Variants in TENM2 observed in about 807,000 individuals in gnomAD.
TENM2 encodes the protein teneurin transmembrane protein 2.
In TENM2, 52 loss-of-function variants were observed where a neutral mutation model predicts 245.2. That is an observed-to-expected ratio of 0.21 (90% confidence interval 0.17 to 0.27). The LOEUF (loss-of-function observed/expected upper bound fraction) is 0.27, where lower values mean the gene tolerates loss of function less well. Among genes scored for constraint, TENM2 ranks in the 10% least tolerant of loss-of-function variants. The probability of loss-of-function intolerance (pLI) is 1.00; values close to 1 mark genes in which losing one functional copy is unlikely to be tolerated. For synonymous variants in TENM2, 1,363 were observed against 1,438.9 expected (o/e 0.95, Z 1.19); for missense variants, 3,046 against 3,666.8 (o/e 0.83, Z 4.37).
At chr5:166,990,852 T>C in the TENM2 span, among the ~76,000 whole-genome samples, 1 of 152,210 alleles carries the variant, frequency 6.6e-6, no homozygotes, top group African/African-American at 2.4e-5. Context: ...AGATCTACGC[T>C]ATTAGACTGT....
the TENM2 span, among the ~76,000 whole-genome samples, chr5:167,148,391 G>A: frequency 1.3e-5 from 2 of 152,128 alleles, no homozygotes; most frequent in East Asian, 3.9e-4. Flanking sequence ...ACTTGAGGTT[G>A]ACATTACATT....
At chr5:167,373,495 G>A (rs1423359824) in intron 1 of TENM2, among the ~76,000 whole-genome samples, 1 of 152,120 alleles carries the variant, frequency 6.6e-6, no homozygotes, top group South Asian at 2.1e-4. Context: ...TTTCTTCACT[G>A]CATTTTTTTC....
intron 8 of TENM2, among the ~76,000 whole-genome samples, chr5:168,096,504 CAT>C (rs1793383220): frequency 6.6e-6 from 1 of 152,180 alleles, no homozygotes; most frequent in Non-Finnish European, 1.5e-5. Context: ...CAAATATACT[CAT>C]TGAGTTTTCC....
chr5:168,069,139 A>G (rs1404861255), intron 7 of TENM2, among the ~76,000 whole-genome samples: 1 of 152,170 alleles, frequency 6.6e-6, no homozygotes, highest in African/African-American at 2.4e-5. Context: ...TACATCCTGA[A>G]TCAAACATGT....
At chr5:167,063,733 A>G in the TENM2 span, among the ~76,000 whole-genome samples, 3 of 152,340 alleles carry the variant, frequency 2.0e-5, no homozygotes, top group East Asian at 1.9e-4. Context: ...GTAATTGTAC[A>G]GGTCTTCTTT....
chr5:167,914,149 A>G (rs1205431313), intron 3 of TENM2, among the ~76,000 whole-genome samples: 1 of 152,204 alleles, frequency 6.6e-6, no homozygotes, highest in African/African-American at 2.4e-5. Context: ...TGACTTGTAC[A>G]AGTTCAGCAT....
intron 4 of TENM2, among the ~76,000 whole-genome samples, chr5:167,978,505 A>T (rs534686959): frequency 6.6e-6 from 1 of 152,362 alleles, no homozygotes; most frequent in African/African-American, 2.4e-5. Flanking sequence ...ATGCTAAGTG[A>T]AAAGAAGCCA....
chr5:168,134,411 T>C (rs1182079422), intron 12 of TENM2, among the ~76,000 whole-genome samples: 2 of 151,304 alleles, frequency 1.3e-5, no homozygotes, highest in Non-Finnish European at 3.0e-5. Context: ...AATTGCCAGG[T>C]GTGGTGGCTC....
At chr5:167,944,288 G>A (rs1016036411) in intron 3 of TENM2, among the ~76,000 whole-genome samples, 1 of 152,260 alleles carries the variant, frequency 6.6e-6, no homozygotes, top group African/African-American at 2.4e-5. Context: ...GTCCCTGCCT[G>A]TGCCTGGCTA....
intron 3 of TENM2, among the ~76,000 whole-genome samples, chr5:167,886,016 C>A (rs1264101229): frequency 6.6e-6 from 1 of 152,180 alleles, no homozygotes; most frequent in African/African-American, 2.4e-5. Context: ...ACTGAAGCTC[C>A]CTTCTGGCTC....
chr5:167,998,155 T>A lies in TENM2; in HGVS notation c.1186+4973T>A, dbSNP rs1784189600. Among the ~76,000 whole-genome samples the A allele has an allele frequency of 1.3e-5, 2 of 152,236 alleles. 1 individual carries two copies. Among genetic ancestry groups the A allele is most frequent in the Admixed American group, 1.3e-4 (2 of 15,290 alleles). The stretch of plus-strand genomic sequence containing the variant: ...CTGCTTGAAACAGTGCTCCAATCCA[T>A]GGATAGAGTGGAATTGCCTGGCCAT... On this transcript the variant is annotated intron_variant, in intron 5 of 28. Transcript: ENST00000518659.
Position 167,334,255 on chromosome 5 carries a change from T to C in TENM2, c.227-40943T>C, listed in dbSNP as rs377238964. On this transcript the variant is annotated intron_variant, in intron 1 of 28. Transcript: ENST00000518659. ...GAGTTGGGTTCTAGCCCAGAGTGTCTGCAACTGGCCCCATAATCTTAACCA... is the reference window on the plus strand; with the variant it reads ...GAGTTGGGTTCTAGCCCAGAGTGTCCGCAACTGGCCCCATAATCTTAACCA... 2.4e-4 allele frequency among the ~76,000 whole-genome samples: 37 copies of C among 152,300 alleles called. 1 individual carries two copies. The East Asian group carries it at 7.0e-3, about 29-fold the overall frequency.
the TENM2 span, among the ~76,000 whole-genome samples, chr5:167,118,244 G>C: frequency 6.6e-6 from 1 of 152,178 alleles, no homozygotes; most frequent in Non-Finnish European, 1.5e-5. Flanking sequence ...AGTTGAAAGA[G>C]GTATGTTTTG....
intron 2 of TENM2, among the ~76,000 whole-genome samples, chr5:167,631,485 G>A (rs1778869421): frequency 6.6e-6 from 1 of 152,172 alleles, no homozygotes; most frequent in South Asian, 2.1e-4. Context: ...TAGGGAGTAA[G>A]GAGCAGTGGG....
chr5:168,017,049 T>C (rs938353276), intron 5 of TENM2, among the ~76,000 whole-genome samples: 1 of 152,246 alleles, frequency 6.6e-6, no homozygotes, highest in Non-Finnish European at 1.5e-5. Context: ...CTGGTCCTTA[T>C]GATCTGCACT....
At chr5:167,210,354 A>AT in the TENM2 span, among the ~76,000 whole-genome samples, 1 of 152,042 alleles carries the variant, frequency 6.6e-6, no homozygotes, top group Non-Finnish European at 1.5e-5. Context: ...AGTCCTAAAT[A>AT]TTAGACAATT....
intron 8 of TENM2, among the ~76,000 whole-genome samples, chr5:168,095,204 T>C (rs1793263665): frequency 6.6e-6 from 1 of 152,118 alleles, no homozygotes; most frequent in South Asian, 2.1e-4. Context: ...AACAATTGTC[T>C]TCCATGGAAC....
At chr5:167,236,479 A>G in the TENM2 span, among the ~76,000 whole-genome samples, 1 of 152,234 alleles carries the variant, frequency 6.6e-6, no homozygotes, top group Non-Finnish European at 1.5e-5. Flanking sequence ...AGGAGAATGT[A>G]TAACAGGAAG....
At chr5:167,151,504 A>G in the TENM2 span, among the ~76,000 whole-genome samples, 7 of 152,126 alleles carry the variant, frequency 4.6e-5, no homozygotes, top group Non-Finnish European at 1.0e-4. Context: ...TAAAAAGCAA[A>G]TGCTTTTCTT....
Sources: gnomAD v4.1 joint callset for allele counts (sites outside exome capture counted in the v4.1 genomes callset) on GRCh38, gnomAD v4.1.1 for gene constraint, MANE v1.5 for transcripts, NCBI Gene and HGNC (gene_info 2026-07-23, HGNC 2026-07-21) for gene names.